The following TRIL variants were observed in gnomAD, a reference collection of about 807,000 sequenced individuals.
The protein encoded by TRIL is TLR4 interactor with leucine rich repeats.
Under a neutral mutation model 43.0 loss-of-function variants are expected in TRIL, and 23 were observed. The ratio of observed to expected loss-of-function variants is 0.54; its 90% CI spans 0.39 to 0.76. The LOEUF (loss-of-function observed/expected upper bound fraction) is 0.76, where lower values mean the gene tolerates loss of function less well. Among genes scored for constraint, TRIL ranks in the 30% least tolerant of loss-of-function variants. The probability of loss-of-function intolerance (pLI) is 0.00; values close to 1 mark genes in which losing one functional copy is unlikely to be tolerated. For missense variants in TRIL, 1,114 were observed against 1,139.3 expected (o/e 0.98, Z 0.32); for synonymous variants, 602 against 556.8 (o/e 1.08, Z -1.14).
Position 28,956,694 on chromosome 7 carries a change from C to A in TRIL, c.1353G>T (p.Pro451=). 6.3e-7 allele frequency: 1 copy of A among 1,587,508 alleles called. No homozygotes were observed. The highest frequency in any genetic ancestry group is 1.7e-5 in the Admixed American group (1 of 57,548). ...TPPAGLAEEL[P]PQPQLQQQGR... is the part of the protein sequence containing the mutation. The stretch of plus-strand genomic sequence containing the variant: ...CCTGCTGCTGGAGCTGCGGCTGCGG[C>A]GGCAGCTCCTCCGCGAGACCTGCAG... Residue 451 remains proline, a synonymous_variant, in exon 1 of 1, where the codon CCG becomes CCT. Coordinates refer to ENST00000539664, the MANE Select transcript of TRIL (RefSeq NM_014817.4).
chr7:28,955,943 G>C lies in TRIL; in HGVS notation c.2104C>G (p.Leu702Val). The C allele has an allele frequency of 6.4e-7, 1 of 1,554,512 alleles. No homozygotes were observed. Among genetic ancestry groups the C allele is most frequent in the Non-Finnish European group, 8.7e-7 (1 of 1,152,374 alleles). Residue 702 changes from leucine (L) to valine (V), a missense_variant, in exon 1 of 1, where the codon CTG (leucine) becomes GTG (valine). Coordinates refer to ENST00000539664, the MANE Select transcript of TRIL (RefSeq NM_014817.4). ...GVDYQLLTLA[L>V]LTVNALLVLL... ...ACCAGCAGCGCGTTGACCGTCAGCA[G>C]GGCCAAGGTCAGCAGCTGGTAGTCG...
chr7:28,957,431 G>T lies in TRIL; in HGVS notation c.616C>A (p.Arg206Ser). The stretch of plus-strand genomic sequence containing the variant: ...TCGTTGGCAGAGAGGTTGAGGAAGC[G>T]CAGCTTGCCTAGCTGGGCGAAGGCG... ...KNAFAQLGKL[R>S]FLNLSANELQ... Residue 206 changes from arginine (R) to serine (S), a missense_variant, in exon 1 of 1, where the codon CGC (arginine) becomes AGC (serine). Coordinates refer to ENST00000539664, the MANE Select transcript of TRIL (RefSeq NM_014817.4). 6.2e-7 allele frequency: 1 copy of T among 1,613,474 alleles called. No individual in the cohort carries two copies. The highest frequency in any genetic ancestry group is 8.5e-7 in the Non-Finnish European group (1 of 1,179,874).
chr7:28,956,201 C>G lies in TRIL; in HGVS notation c.1846G>C (p.Gly616Arg), dbSNP rs778837240. The change falls in exon 1 of 1, where the codon GGC (glycine) becomes CGC (arginine). Residue 616 changes from glycine (G) to arginine (R), a missense_variant. Transcript: ENST00000539664. ...AAGAGCAGGCGGAAGCGCGCGCCGC[C>G]CAGCGGCCGGGGACTGCGGTGCTCG... Reference protein sequence around the residue: ...VREHRSPRPLGGARFRLLFDR... With the variant: ...VREHRSPRPLRGARFRLLFDR... The G allele has an allele frequency of 1.0e-4, 161 of 1,565,584 alleles. No individual in the cohort carries two copies. The highest frequency in any genetic ancestry group is 1.3e-4 in the Non-Finnish European group (145 of 1,157,498).
chr7:28,957,791 T>G lies in TRIL; in HGVS notation c.256A>C (p.Arg86=). The G allele has an allele frequency of 6.2e-7, 1 of 1,613,994 alleles. No individual in the cohort carries two copies. Among genetic ancestry groups the G allele is most frequent in the Non-Finnish European group, 8.5e-7 (1 of 1,179,860 alleles). Residue 86 remains arginine, a synonymous_variant, in exon 1 of 1, where the codon AGA becomes CGA. Coordinates refer to ENST00000539664, the MANE Select transcript of TRIL (RefSeq NM_014817.4). ...TGGTTGTACTGCAGGTCCAGCCGTC[T>G]GAGCTGCCCCAGACGGTGGAAGTCG... ...AFDFHRLGQL[R]RLDLQYNQIR...
chr7:28,957,867 G>A lies in TRIL; in HGVS notation c.180C>T (p.Asp60=). ...PKTSSLPSPH[D]VLTYSLGGNF... is the part of the protein sequence containing the mutation. ...TGCCGCCGAGGCTGTAGGTGAGCACGTCGTGGGGGCTCGGCAGCGAGCTGG... is the reference window on the plus strand; with the variant it reads ...TGCCGCCGAGGCTGTAGGTGAGCACATCGTGGGGGCTCGGCAGCGAGCTGG... Residue 60 remains aspartate (D), a synonymous_variant, in exon 1 of 1, where the codon GAC becomes GAT. Coordinates refer to ENST00000539664, the MANE Select transcript of TRIL (RefSeq NM_014817.4). 2 of 1,613,762 alleles carry A rather than the reference G, an allele frequency of 1.2e-6. No homozygotes were observed. The highest frequency in any genetic ancestry group is 1.7e-6 in the Non-Finnish European group (2 of 1,179,840).
rs771224561 is a variant in TRIL at position 28,957,621 on chromosome 7, C to T, written c.426G>A (p.Glu142=). ...AGGAGCCGCGGCTTAGGCGGCTGAT[C>T]TCGTTCCCGTTGGCGTAGAGGATGC... is the stretch of plus-strand genomic sequence containing the variant. The part of the protein sequence containing the change: ...KLRILYANGN[E]ISRLSRGSFE... The change falls in exon 1 of 1, where the codon GAG becomes GAA. Residue 142 remains glutamate, a synonymous_variant. Coordinates refer to ENST00000539664, the MANE Select transcript of TRIL (RefSeq NM_014817.4). 9 of 1,611,118 alleles carry T rather than the reference C, an allele frequency of 5.6e-6. No individual in the cohort carries two copies. In the African/African-American group the frequency reaches 1.2e-4, roughly 22 times the overall value.
rs1280218605 is a variant in TRIL, at chr7:28,955,254, C to T, written c.*357G>A. 1.8e-5 allele frequency: 5 copies of T among 284,420 alleles called. No individual in the cohort carries two copies. Among genetic ancestry groups the T allele is most frequent in the Non-Finnish European group, 1.3e-5 (2 of 153,908 alleles). The allele number at this position is 284,420 out of a possible 1,614,324, so 17.6% of individuals were successfully genotyped here. ...ACACTGAGCAAACAAAAAGCATGCA[C>T]CCAAATATTTCTGGCCATGTTGGGG... On this transcript the variant is annotated 3_prime_UTR_variant, in exon 1 of 1. Transcript: ENST00000539664.
chr7:28,956,160 C>T lies in TRIL; in HGVS notation c.1887G>A (p.Gln629=). The T allele has an allele frequency of 6.4e-7, 1 of 1,574,118 alleles. No individual in the cohort carries two copies. Among genetic ancestry groups the T allele is most frequent in the Non-Finnish European group, 8.6e-7 (1 of 1,161,356 alleles). ...RFRLLFDRFG[Q]QPKFHRFVYL... is the part of the protein sequence containing the mutation. Reference sequence around the variant, plus strand: ...AGACGAAGCGGTGGAACTTGGGCTGCTGGCCAAAGCGGTCAAAGAGCAGGC... The same window carrying T: ...AGACGAAGCGGTGGAACTTGGGCTGTTGGCCAAAGCGGTCAAAGAGCAGGC... Residue 629 remains glutamine, a synonymous_variant, in exon 1 of 1, where the codon CAG becomes CAA. Transcript: ENST00000539664.
rs538009689 is a variant in TRIL, at chr7:28,955,858, C to G, written c.2189G>C (p.Arg730Pro). Residue 730 changes from arginine to proline, a missense_variant, in exon 1 of 1, where the codon CGG (arginine) becomes CCG (proline). Arg to Pro is a moderately radical substitution (Grantham distance 103, BLOSUM62 -2). Transcript: ENST00000539664. ...AACGTGGACCGGGGCCCCGCCCTTC[C>G]GCCTAGCCCGCAGTTTCCTACGCAG... ...RWLRRKLRAR[R>P]KGGAPVHVRH... 1 of 1,549,862 alleles carries G rather than the reference C, an allele frequency of 6.5e-7. No individual in the cohort carries two copies. The highest frequency in any genetic ancestry group is 2.0e-5 in the Admixed American group (1 of 51,010).
rs1783385190 is a variant in TRIL at position 28,955,660 on chromosome 7, C to T, written c.2387G>A (p.Gly796Asp). The T allele has an allele frequency of 2.6e-6, 4 of 1,547,308 alleles. No homozygotes were observed. The highest frequency in any genetic ancestry group is 3.5e-6 in the Non-Finnish European group (4 of 1,146,562). ...ACGGTCCTCCCGTCTCAGGCTGCCG[C>T]CCGCGCCGCCGCCCGCACTGTCCAT... ...RFMDSAGGGA[G>D]GSLRREDRLL... The change falls in exon 1 of 1, where the codon GGC becomes GAC. Residue 796 changes from glycine to aspartate, a missense_variant. Physicochemically the swap from Gly to Asp is moderately conservative, Grantham distance 94. Transcript: ENST00000539664.
Position 28,956,713 on chromosome 7 carries a change from C to A in TRIL, c.1334G>T (p.Gly445Val). 6.3e-7 allele frequency: 1 copy of A among 1,598,124 alleles called. No individual in the cohort carries two copies. The highest frequency in any genetic ancestry group is 8.5e-7 in the Non-Finnish European group (1 of 1,175,014). Residue 445 changes from glycine (G) to valine (V), a missense_variant, in exon 1 of 1, where the codon GGT becomes GTT. By Grantham distance (109) the Gly-to-Val change is moderately radical (BLOSUM62 -3). Coordinates refer to ENST00000539664, the MANE Select transcript of TRIL (RefSeq NM_014817.4). ...AAGEEMTPPA[G>V]LAEELPPQPQ... is the part of the protein sequence containing the mutation. ...CTGCGGCGGCAGCTCCTCCGCGAGA[C>A]CTGCAGGTGGCGTCATCTCCTCCCC...
In TRIL at chr7:28,956,541, C is replaced by T. The variant is rs1408732035; in HGVS notation, c.1506G>A (p.Ala502=). Residue 502 remains alanine (A), a synonymous_variant, in exon 1 of 1, where the codon GCG becomes GCA. Transcript: ENST00000539664. ...GGTCTAGGGACTGTGGAGCCGGGCC[C>T]GCGGCGGCAGCGACGGAGGGGCTGG... ...QQPSPSVAAA[A]GPAPQSLDLH... is the part of the protein sequence containing the mutation. The T allele has an allele frequency of 8.4e-6, 13 of 1,555,330 alleles. No homozygotes were observed. The highest frequency in any genetic ancestry group is 1.9e-5 in the Admixed American group (1 of 53,254).
chr7:28,956,096 G>A lies in TRIL; in HGVS notation c.1951C>T (p.Leu651=), dbSNP rs1299523622. The change falls in exon 1 of 1, where the codon CTG becomes TTG. Residue 651 remains leucine (L), a synonymous_variant. Coordinates refer to ENST00000539664, the MANE Select transcript of TRIL (RefSeq NM_014817.4). ...ACCAGGTAGGGGGTGTCCCCGCGCAGCTCGCGCAGCGTGGCCGAGTCGCTG... is the reference window on the plus strand; with the variant it reads ...ACCAGGTAGGGGGTGTCCCCGCGCAACTCGCGCAGCGTGGCCGAGTCGCTG... ...ESSDSATLRE[L]RGDTPYLVCV... 1.3e-6 allele frequency: 2 copies of A among 1,556,694 alleles called. No homozygotes were observed. Among genetic ancestry groups the A allele is most frequent in the South Asian group, 1.2e-5 (1 of 84,756 alleles).
At position 28,958,219 on chromosome 7, in the gene TRIL, G is replaced by C; in HGVS notation, c.-173C>G. ...CCGGAGGCCGGCCCGGGTCTCTGCA[G>C]GCGGGCTTCGCCCGGCCAAGTCAGG... On this transcript the variant is annotated 5_prime_UTR_variant, in exon 1 of 1. Coordinates refer to ENST00000539664, the MANE Select transcript of TRIL (RefSeq NM_014817.4). 1 of 984,050 alleles carries C rather than the reference G, an allele frequency of 1.0e-6. No individual in the cohort carries two copies. The allele number at this position is 984,050 out of a possible 1,614,324, so 61.0% of individuals were successfully genotyped here.
Position 28,956,106 on chromosome 7 carries a change from C to T in TRIL, c.1941G>A (p.Thr647=), listed in dbSNP as rs1263540240. 6.4e-6 allele frequency: 10 copies of T among 1,558,470 alleles called. No homozygotes were observed. The highest frequency in any genetic ancestry group is 8.7e-6 in the Non-Finnish European group (10 of 1,153,606). ...GGGTGTCCCCGCGCAGCTCGCGCAG[C>T]GTGGCCGAGTCGCTGCTCTCAGGCA... ...VYLPESSDSA[T]LRELRGDTPY... is the part of the protein sequence containing the mutation. Residue 647 remains threonine (T), a synonymous_variant, in exon 1 of 1, where the codon ACG becomes ACA. Transcript: ENST00000539664.
chr7:28,958,106 C>G lies in TRIL; in HGVS notation c.-60G>C. ...CTCTTGGCCCGCCGGCTCTGTGTCT[C>G]CTCTGCATTCCCCTTAGCCTGGCCA... On this transcript the variant is annotated 5_prime_UTR_variant, in exon 1 of 1. Transcript: ENST00000539664. 5 of 1,458,576 alleles carry G rather than the reference C, an allele frequency of 3.4e-6. No individual in the cohort carries two copies. Among genetic ancestry groups the G allele is most frequent in the African/African-American group, 2.9e-5 (2 of 69,492 alleles). The allele number at this position is 1,458,576 out of a possible 1,614,324, so 90.4% of individuals were successfully genotyped here.
rs1285339994 is a variant in TRIL at position 28,957,573 on chromosome 7, G to A, written c.474C>T (p.Val158=). Residue 158 remains valine, a synonymous_variant, in exon 1 of 1, where the codon GTC becomes GTT. Transcript: ENST00000539664. ...GGGCGTTCCCGTCCAGCCGCAGCTT[G>A]ACTAGACTCTCCAGGCCCTCGAAGG... is the stretch of plus-strand genomic sequence containing the variant. ...RGSFEGLESL[V]KLRLDGNALG... 9 of 1,612,042 alleles carry A rather than the reference G, an allele frequency of 5.6e-6. No individual in the cohort carries two copies. Among genetic ancestry groups the A allele is most frequent in the African/African-American group, 4.0e-5 (3 of 75,052 alleles).
Position 28,956,430 on chromosome 7 carries a change from C to A in TRIL, c.1617G>T (p.Ala539=), listed in dbSNP as rs769675198. Residue 539 remains alanine, a synonymous_variant, in exon 1 of 1, where the codon GCG becomes GCT. Transcript: ENST00000539664. The part of the protein sequence containing the change: ...EPTPTASPGS[A]PSPAGDPWQR... ...GCCAGGGGTCGCCGGCGGGCGATGGCGCAGAGCCAGGAGAGGCCGTTGGGG... is the reference window on the plus strand; with the variant it reads ...GCCAGGGGTCGCCGGCGGGCGATGGAGCAGAGCCAGGAGAGGCCGTTGGGG... 1 of 1,540,364 alleles carries A rather than the reference C, an allele frequency of 6.5e-7. No individual in the cohort carries two copies. The highest frequency in any genetic ancestry group is 2.4e-5 in the East Asian group (1 of 41,160).
Position 28,956,583 on chromosome 7 carries a change from G to T in TRIL, c.1464C>A (p.Gly488=), listed in dbSNP as rs767664358. ...NRSALRLSRR[G]PGLQQPSPSV... ...AGGGGCTGGGCTGCTGGAGGCCCGG[G>T]CCCCGCCGACTCAGCCTTAGGGCGC... Residue 488 remains glycine, a synonymous_variant, in exon 1 of 1, where the codon GGC becomes GGA. Transcript: ENST00000539664. 1.3e-6 allele frequency: 2 copies of T among 1,554,790 alleles called. No homozygotes were observed. Among genetic ancestry groups the T allele is most frequent in the Non-Finnish European group, 1.7e-6 (2 of 1,158,372 alleles).
Sources: allele counts gnomAD v4.1 joint callset, GRCh38; gene constraint gnomAD v4.1.1; transcripts MANE v1.5; gene names NCBI Gene and HGNC (gene_info 2026-07-23, HGNC 2026-07-21).